AGBL3: variants seen among roughly 807,000 people sequenced by gnomAD.
AGBL3 encodes the protein cytosolic carboxypeptidase 3.
In AGBL3, 68 loss-of-function variants were observed where a neutral mutation model predicts 94.5. That is an observed-to-expected ratio of 0.72 (90% confidence interval 0.59 to 0.88). The LOEUF (loss-of-function observed/expected upper bound fraction) is 0.88, where lower values mean the gene tolerates loss of function less well. Ranked by LOEUF, AGBL3 falls within the 40% of genes least tolerant of loss-of-function variation. The pLI is 0.00. For missense variants in AGBL3, 934 were observed against 1,103.8 expected, an observed-to-expected ratio of 0.85 and a Z score of 2.18; for synonymous variants, 354 against 370.7, an observed-to-expected ratio of 0.95 and a Z score of 0.52.
intron 12 of AGBL3, among the ~76,000 whole-genome samples, chr7:135,060,719 T>C (rs1563226744): frequency 6.6e-6 from 1 of 152,194 alleles, no homozygotes; most frequent in Non-Finnish European, 1.5e-5. Flanking sequence ...TTACTCCAAG[T>C]GAAAAGATTT....
intron 12 of AGBL3, among the ~76,000 whole-genome samples, chr7:135,070,275 C>T (rs1472989629): frequency 1.3e-5 from 2 of 152,302 alleles, no homozygotes; most frequent in Middle Eastern, 3.4e-3. Context: ...GATGGATTCA[C>T]AGCCGAATTC....
intron 16 of AGBL3, chr7:135,116,015 T>A (rs2117190211): frequency 6.4e-6 from 1 of 155,074 alleles, no homozygotes; most frequent in South Asian, 2.0e-4. Flanking sequence ...CGAGACCAGT[T>A]TTCTTCTAAA....
At chr7:135,031,327 T>C (rs1815718501) in intron 5 of AGBL3, among the ~76,000 whole-genome samples, 1 of 152,184 alleles carries the variant, frequency 6.6e-6, no homozygotes, top group Non-Finnish European at 1.5e-5. Context: ...TGGCACAATC[T>C]CAGCTCACTG....
chr7:135,060,380 A>T (rs1217401608), intron 12 of AGBL3, among the ~76,000 whole-genome samples: 1 of 152,190 alleles, frequency 6.6e-6, no homozygotes. Context: ...ATTACCTCAC[A>T]TACTTATTTT....
At chr7:135,020,154 A>G (rs1258459167) in intron 5 of AGBL3, among the ~76,000 whole-genome samples, 1 of 152,224 alleles carries the variant, frequency 6.6e-6, no homozygotes, top group Non-Finnish European at 1.5e-5. Flanking sequence ...AATTTTTGCA[A>G]TCTACTCATC....
intron 15 of AGBL3, chr7:135,094,677 G>A: frequency 2.7e-6 from 1 of 366,222 alleles, no homozygotes; most frequent in Non-Finnish European, 5.3e-6. Flanking sequence ...ACTCTAAAAG[G>A]AGAAAATCAA....
At chr7:135,032,479 T>C (rs1256098737) in intron 5 of AGBL3, among the ~76,000 whole-genome samples, 1 of 150,678 alleles carries the variant, frequency 6.6e-6, no homozygotes, top group Non-Finnish European at 1.5e-5. Context: ...TAATTTTTTT[T>C]TTTTTTTTTG....
intron 16 of AGBL3, among the ~76,000 whole-genome samples, chr7:135,131,956 T>C (rs1828838039): frequency 6.6e-6 from 1 of 152,126 alleles, no homozygotes; most frequent in African/African-American, 2.4e-5. Flanking sequence ...CAATAAAATA[T>C]GAACTACCCC....
chr7:135,101,887 G>A (rs1823883283), intron 15 of AGBL3, among the ~76,000 whole-genome samples: 1 of 152,052 alleles, frequency 6.6e-6, no homozygotes, highest in South Asian at 2.1e-4. Flanking sequence ...GAATCATGGA[G>A]GCGGCGTCCC....
chr7:135,046,964 C>A (rs1817425125), intron 11 of AGBL3, among the ~76,000 whole-genome samples: 1 of 150,254 alleles, frequency 6.7e-6, no homozygotes, highest in African/African-American at 2.4e-5. Context: ...ATGAGATATA[C>A]CCTCTTAAAT....
chr7:135,001,889 G>A (rs2133413650), intron 4 of AGBL3, among the ~76,000 whole-genome samples: 1 of 152,232 alleles, frequency 6.6e-6, no homozygotes, highest in East Asian at 1.9e-4. Flanking sequence ...ATTTCCTTAT[G>A]CATCCAGTGA....
chr7:135,102,382 C>A (rs1462816743), intron 15 of AGBL3, among the ~76,000 whole-genome samples: 2 of 152,076 alleles, frequency 1.3e-5, no homozygotes, highest in Admixed American at 1.3e-4. Flanking sequence ...TCATTCTATT[C>A]ATTAATTCTT....
At chr7:135,082,174 A>G (rs1230799442) in intron 15 of AGBL3, among the ~76,000 whole-genome samples, 7 of 152,204 alleles carry the variant, frequency 4.6e-5, no homozygotes, top group Non-Finnish European at 1.0e-4. Context: ...AAACTTTAAC[A>G]GTAAAAAGTT....
chr7:135,110,864 A>G (rs1260729374), intron 15 of AGBL3, among the ~76,000 whole-genome samples: 1 of 152,212 alleles, frequency 6.6e-6, no homozygotes, highest in African/African-American at 2.4e-5. Context: ...AACAACTGCA[A>G]TTCTGGATGA....
chr7:135,131,325 T>A (rs1267485916), intron 16 of AGBL3, among the ~76,000 whole-genome samples: 1 of 150,702 alleles, frequency 6.6e-6, no homozygotes, highest in African/African-American at 2.4e-5. Flanking sequence ...GGGTGAGGGG[T>A]GAGGGGAGGG....
Position 134,986,925 on chromosome 7 carries a change from C to T in AGBL3, c.-60+224C>T, listed in dbSNP as rs534891231. Among the ~76,000 whole-genome samples, 7 of 152,384 alleles carry T rather than the reference C, an allele frequency of 4.6e-5. No homozygotes were observed. The South Asian group carries it at 1.2e-3, about 27-fold the overall frequency. ...CCCTCCTCCGCAGTGGTGGAAGACACCCGCGGAGCGCCGGTGGATAAGGGC... is the reference window on the plus strand; with the variant it reads ...CCCTCCTCCGCAGTGGTGGAAGACATCCGCGGAGCGCCGGTGGATAAGGGC... On this transcript the variant is annotated intron_variant, in intron 1 of 16. Coordinates refer to ENST00000436302, the MANE Select transcript of AGBL3 (RefSeq NM_178563.4).
intron 7 of AGBL3, among the ~76,000 whole-genome samples, chr7:135,036,718 TA>T (rs1816345734): frequency 6.6e-6 from 1 of 152,058 alleles, no homozygotes; most frequent in Non-Finnish European, 1.5e-5. Context: ...AAGTGAGACA[TA>T]AGGTCAGTAT....
intron 15 of AGBL3, among the ~76,000 whole-genome samples, chr7:135,104,884 TCTGTTGATAGTTTCTTTTG>T (rs1824421857): frequency 1.3e-5 from 2 of 152,190 alleles, no homozygotes; most frequent in Admixed American, 6.5e-5. Flanking sequence ...GCCTGTTTAC[TCTGTTGATAGTTTCTTTTG>T]CTGTGCAGAA....
chr7:134,991,955 T>C (rs567689766), intron 3 of AGBL3, among the ~76,000 whole-genome samples: 1 of 152,368 alleles, frequency 6.6e-6, no homozygotes, highest in African/African-American at 2.4e-5. Flanking sequence ...GGTGCTTCTC[T>C]AAGTATTAAC....
Sources: gnomAD v4.1 joint callset for allele counts (sites outside exome capture counted in the v4.1 genomes callset) on GRCh38, gnomAD v4.1.1 for gene constraint, MANE v1.5 for transcripts, NCBI Gene and HGNC (gene_info 2026-07-23, HGNC 2026-07-21) for gene names.